The following NACC2 variants were observed in gnomAD, a reference collection of about 807,000 sequenced individuals.
The protein encoded by NACC2 is nucleus accumbens-associated protein 2.
Under a neutral mutation model 25.1 loss-of-function variants are expected in NACC2, and 8 were observed. The observed-to-expected ratio is 0.32, with a 90% CI of 0.19 to 0.57. NACC2 has a LOEUF of 0.57. NACC2 is among the 20% of genes least tolerant of loss of function. NACC2 has a pLI of 0.89. For synonymous variants in NACC2, 435 were observed against 294.7 expected, an observed-to-expected ratio of 1.48 and a Z score of -4.88; for missense variants, 644 against 650.2, an observed-to-expected ratio of 0.99 and a Z score of 0.10.
chr9:136,041,419 GAA>G (rs1307266023), intron 2 of NACC2, among the ~76,000 whole-genome samples: 1 of 128,862 alleles, frequency 7.8e-6, no homozygotes, highest in Non-Finnish European at 1.7e-5. Flanking sequence ...CATGATCTGA[GAA>G]AAAAAAAAAA....
At chr9:136,033,398 C>G (rs1475798293) in intron 2 of NACC2, among the ~76,000 whole-genome samples, 1 of 151,842 alleles carries the variant, frequency 6.6e-6, no homozygotes, top group Non-Finnish European at 1.5e-5. Context: ...AATCCCAGCA[C>G]TTTGGGAGGC....
intron 1 of NACC2, among the ~76,000 whole-genome samples, chr9:136,088,092 C>T (rs1830397885): frequency 6.6e-6 from 1 of 152,320 alleles, no homozygotes; most frequent in East Asian, 1.9e-4. Flanking sequence ...CAGCAGTATT[C>T]GGGGACTGTC....
chr9:136,073,892 C>G (rs780766846), intron 1 of NACC2, among the ~76,000 whole-genome samples: 14 of 152,190 alleles, frequency 9.2e-5, no homozygotes, highest in Non-Finnish European at 1.6e-4. Flanking sequence ...TGCCCAGAAG[C>G]AGGGTCAGCA....
At chr9:136,043,417 C>T (rs999351899) in intron 2 of NACC2, among the ~76,000 whole-genome samples, 8 of 152,236 alleles carry the variant, frequency 5.3e-5, no homozygotes, top group Non-Finnish European at 1.0e-4. Context: ...CACTGATATT[C>T]CACCCACGAG....
chr9:136,054,442 C>T (rs1840895084), intron 1 of NACC2, among the ~76,000 whole-genome samples: 1 of 152,188 alleles, frequency 6.6e-6, no homozygotes, highest in African/African-American at 2.4e-5. Flanking sequence ...TTTTAGGTTG[C>T]TTTCTTGGAA....
chr9:136,047,638 C>T (rs906080403), intron 2 of NACC2, among the ~76,000 whole-genome samples: 5 of 152,198 alleles, frequency 3.3e-5, no homozygotes, highest in Admixed American at 6.5e-5. Flanking sequence ...GACTGTACCT[C>T]GTGTGGTCTG....
At chr9:136,016,642 T>C (rs1160187747) in intron 2 of NACC2, among the ~76,000 whole-genome samples, 3 of 152,156 alleles carry the variant, frequency 2.0e-5, no homozygotes. Flanking sequence ...CTTGCCCACC[T>C]AGTCCTGCCC....
At position 136,019,985 on chromosome 9, in the gene NACC2, T is replaced by C. The variant is rs952947617; in HGVS notation, c.887-3556A>G. 1.5e-5 allele frequency among the ~76,000 whole-genome samples: 2 copies of C among 133,394 alleles called. No individual in the cohort carries two copies. Among genetic ancestry groups the C allele is most frequent in the Non-Finnish European group, 3.2e-5 (2 of 62,462 alleles). 87.5% of individuals were successfully genotyped at this position (133,394 alleles called of 152,430 possible). ...ACAGAGGCGGGAAACAGAGGGTGGGTGCCGGGGCTGGGTGGGGGAACGGGG... is the reference window on the plus strand; with the variant it reads ...ACAGAGGCGGGAAACAGAGGGTGGGCGCCGGGGCTGGGTGGGGGAACGGGG... On this transcript the variant is annotated intron_variant, in intron 2 of 5. Coordinates refer to ENST00000277554, the MANE Select transcript of NACC2 (RefSeq NM_144653.5). This position sits in a 1 kb window ranked among gnomAD's most constrained non-coding sequence, Gnocchi z 5.2.
At chr9:136,067,255 G>A (rs1841095769) in intron 1 of NACC2, among the ~76,000 whole-genome samples, 2 of 128,070 alleles carry the variant, frequency 1.6e-5, no homozygotes, top group South Asian at 5.4e-4. Context: ...CAACAAGAGG[G>A]AAACTCTGTC....
intron 1 of NACC2, among the ~76,000 whole-genome samples, chr9:136,085,683 C>T (rs1458658795): frequency 2.0e-5 from 3 of 152,166 alleles, no homozygotes; most frequent in Admixed American, 6.5e-5. Flanking sequence ...CACAGGTATG[C>T]AGGGGAGGTT....
chr9:136,056,565 T>C (rs1220429001), intron 1 of NACC2, among the ~76,000 whole-genome samples: 1 of 152,104 alleles, frequency 6.6e-6, no homozygotes, highest in African/African-American at 2.4e-5. Flanking sequence ...GACCCTGACC[T>C]GCCAGGGCCC....
intron 1 of NACC2, among the ~76,000 whole-genome samples, chr9:136,051,919 A>AGGAGGAGGAGGAGGAGATGGT (rs1840850164): frequency 2.0e-4 from 3 of 14,984 alleles, no homozygotes; most frequent in Non-Finnish European, 6.5e-4. Context: ...GAGATGGTGG[A>AGGAGGAGGAGGAGGAGATGGT]GGAGGAGGAG....
intron 1 of NACC2, among the ~76,000 whole-genome samples, chr9:136,079,537 T>C (rs1830299614): frequency 6.6e-6 from 1 of 152,134 alleles, no homozygotes; most frequent in Non-Finnish European, 1.5e-5. Context: ...GGGCACCCCA[T>C]GGCCTGCTGA....
intron 2 of NACC2, among the ~76,000 whole-genome samples, chr9:136,037,657 G>A (rs993219724): frequency 7.2e-5 from 11 of 151,930 alleles, no homozygotes; most frequent in East Asian, 5.8e-4. Flanking sequence ...ACAGGCACCC[G>A]CCACCACATC....
At chr9:136,048,245 C>A (rs1285255051) in intron 2 of NACC2, among the ~76,000 whole-genome samples, 1 of 152,192 alleles carries the variant, frequency 6.6e-6, no homozygotes, top group Non-Finnish European at 1.5e-5. Flanking sequence ...TCCCCAGCAG[C>A]CTCTGGCTGG....
At chr9:136,070,977 C>A (rs1841143480) in intron 1 of NACC2, among the ~76,000 whole-genome samples, 2 of 151,762 alleles carry the variant, frequency 1.3e-5, no homozygotes, top group Non-Finnish European at 2.9e-5. Flanking sequence ...CACCTGTAAT[C>A]CCAGCACTTT....
rs909158780 is a variant in NACC2, at chr9:136,042,426, A to T, written c.886+7210T>A. 9.2e-5 allele frequency among the ~76,000 whole-genome samples: 14 copies of T among 152,292 alleles called. No homozygotes were observed. The South Asian group carries it at 2.3e-3, about 25-fold the overall frequency. On this transcript the variant is annotated intron_variant, in intron 2 of 5. Transcript: ENST00000277554. ...TCAATGGAACCGAACAGAATCCAGA[A>T]ATAGGCCTGCAGGTACGTATTCGAC...
In NACC2 at chr9:136,050,244, G is replaced by A. The variant is rs1205551191; in HGVS notation, c.278C>T (p.Thr93Met). 4 of 771,016 alleles carry A rather than the reference G, an allele frequency of 5.2e-6. No homozygotes were observed. Among genetic ancestry groups the A allele is most frequent in the South Asian group, 1.4e-5 (1 of 73,442 alleles). The allele number at this position is 771,016 out of a possible 1,614,324, so 47.8% of individuals were successfully genotyped here. A position where few individuals can be genotyped will look rare whatever the true frequency, so the allele number is the denominator to read the frequency against. The part of the protein sequence containing the change: ...SFCYTGRLTM[T>M]ASEQLVVMYT... The stretch of plus-strand genomic sequence containing the variant: ...CATGACCACGAGCTGCTCGCTGGCC[G>A]TCATGGTGAGCCTGCCCGTGTAGCA... Residue 93 changes from threonine to methionine, a missense_variant, in exon 2 of 6, where the codon ACG becomes ATG. Thr to Met is a moderately conservative substitution (Grantham distance 81). Transcript: ENST00000277554.
At chr9:136,032,634 C>T (rs1280376950) in intron 2 of NACC2, among the ~76,000 whole-genome samples, 7 of 152,306 alleles carry the variant, frequency 4.6e-5, no homozygotes, top group Middle Eastern at 6.8e-3. Context: ...TGGTGGCTCA[C>T]GTAGGTAATC....
Sources: gnomAD v4.1 joint callset for allele counts (sites outside exome capture counted in the v4.1 genomes callset) on GRCh38, gnomAD v4.1.1 for gene constraint, Gnocchi (gnomAD v3.1) non-coding constraint, MANE v1.5 for transcripts, NCBI Gene and HGNC (gene_info 2026-07-23, HGNC 2026-07-21) for gene names.